The following CSMD1 variants were observed in gnomAD, a reference collection of about 807,000 sequenced individuals.
The protein encoded by CSMD1 is CUB and Sushi multiple domains 1.
A neutral mutation model predicts 417.5 loss-of-function variants in CSMD1; 213 were observed. The observed-to-expected ratio is 0.51, with a 90% CI of 0.46 to 0.57. The LOEUF (loss-of-function observed/expected upper bound fraction) is 0.57, where lower values mean the gene tolerates loss of function less well. Ranked by LOEUF, CSMD1 falls within the 20% of genes least tolerant of loss-of-function variation. The probability of loss-of-function intolerance (pLI) is 0.00; values close to 1 mark genes in which losing one functional copy is unlikely to be tolerated. For missense variants in CSMD1, 6,923 were observed against 4,529.7 expected, an observed-to-expected ratio of 1.53 and a Z score of -15.17; for synonymous variants, 2,862 against 1,736.8, an observed-to-expected ratio of 1.65 and a Z score of -16.11.
At chr8:3,981,193 G>C (rs951458594) in intron 5 of CSMD1, among the ~76,000 whole-genome samples, 2 of 152,162 alleles carry the variant, frequency 1.3e-5, no homozygotes, top group Non-Finnish European at 2.9e-5. Flanking sequence ...TATCTCCATA[G>C]TTTTCTTCAG....
chr8:4,263,664 T>A (rs949131746), intron 3 of CSMD1, among the ~76,000 whole-genome samples: 2 of 152,198 alleles, frequency 1.3e-5, no homozygotes, highest in Admixed American at 6.5e-5. Context: ...ATGACCAATA[T>A]AATTTTGAAT....
At chr8:4,249,184 G>A (rs1455776108) in intron 3 of CSMD1, among the ~76,000 whole-genome samples, 1 of 152,276 alleles carries the variant, frequency 6.6e-6, no homozygotes, top group Admixed American at 6.5e-5. Context: ...ACTACTTGAA[G>A]CTTGATAGTG....
At chr8:4,937,795 C>T (rs1425578792) in intron 1 of CSMD1, among the ~76,000 whole-genome samples, 1 of 152,102 alleles carries the variant, frequency 6.6e-6, no homozygotes, top group African/African-American at 2.4e-5. Context: ...CACACACACA[C>T]ACACACACAC....
chr8:3,999,117 T>C (rs1214357992), intron 4 of CSMD1, among the ~76,000 whole-genome samples: 1 of 151,672 alleles, frequency 6.6e-6, no homozygotes, highest in Non-Finnish European at 1.5e-5. Context: ...AAGCATGTTT[T>C]TTAAAATTTC....
intron 1 of CSMD1, among the ~76,000 whole-genome samples, chr8:4,681,211 T>C (rs573263743): frequency 1.1e-3 from 165 of 152,244 alleles, no homozygotes; most frequent in African/African-American, 3.8e-3. Flanking sequence ...CTGTAGGAAA[T>C]GAGAGAGGTC....
chr8:3,782,936 A>G (rs1471594), intron 5 of CSMD1, among the ~76,000 whole-genome samples: 22,665 of 152,216 alleles, frequency 0.15, 2,345 homozygotes, highest in African/African-American at 0.28. Flanking sequence ...ATACATGGCA[A>G]GAGATCTAGC....
At chr8:4,080,342 T>C (rs2554636) in intron 3 of CSMD1, among the ~76,000 whole-genome samples, 110,596 of 151,868 alleles carry the variant, frequency 0.73, 40,958 homozygotes, top group South Asian at 0.82. Flanking sequence ...ACTTCACAAG[T>C]GAAAGGTGAA....
chr8:3,809,694 T>G (rs1025356515), intron 5 of CSMD1, among the ~76,000 whole-genome samples: 2 of 152,126 alleles, frequency 1.3e-5, no homozygotes, highest in African/African-American at 4.8e-5. Flanking sequence ...GAACCACACT[T>G]CCAGAGACAC....
chr8:3,450,714 T>C (rs1219944854), intron 12 of CSMD1, among the ~76,000 whole-genome samples: 4 of 152,238 alleles, frequency 2.6e-5, no homozygotes, highest in South Asian at 2.1e-4. Context: ...CAGTCTATCA[T>C]TGTTGGACAT....
At chr8:4,906,356 A>G (rs1309136424) in intron 1 of CSMD1, among the ~76,000 whole-genome samples, 1 of 152,226 alleles carries the variant, frequency 6.6e-6, no homozygotes, top group Non-Finnish European at 1.5e-5. Flanking sequence ...ATTCTTGCAT[A>G]CAACTTATGT....
At chr8:4,970,499 G>C (rs942533441) in intron 1 of CSMD1, among the ~76,000 whole-genome samples, 2 of 152,026 alleles carry the variant, frequency 1.3e-5, no homozygotes, top group African/African-American at 2.4e-5. Context: ...CATTCTCATG[G>C]AATAGAGGTT....
At chr8:3,659,905 T>C (rs1363110695) in intron 7 of CSMD1, among the ~76,000 whole-genome samples, 1 of 152,182 alleles carries the variant, frequency 6.6e-6, no homozygotes, top group Non-Finnish European at 1.5e-5. Context: ...AGATGAAATT[T>C]CCAAGAAAGA....
chr8:3,829,359 C>G (rs1357351405), intron 5 of CSMD1, among the ~76,000 whole-genome samples: 1 of 152,158 alleles, frequency 6.6e-6, no homozygotes, highest in Non-Finnish European at 1.5e-5. Flanking sequence ...ACTGAGAACT[C>G]TGTCAAACTA....
At chr8:3,465,446 G>A (rs1269381078) in intron 12 of CSMD1, among the ~76,000 whole-genome samples, 1 of 152,108 alleles carries the variant, frequency 6.6e-6, no homozygotes, top group East Asian at 1.9e-4. Flanking sequence ...GTGGACCCAA[G>A]GTCCTCCTGG....
intron 57 of CSMD1, 30 bp downstream of exon 57, chr8:2,973,087 A>T (rs751945331): frequency 6.2e-7 from 1 of 1,601,696 alleles, no homozygotes; most frequent in East Asian, 2.2e-5. Context: ...TTAACTTTCA[A>T]GGTGGACCTT....
chr8:4,843,050 G>C (rs1800931279), intron 1 of CSMD1, among the ~76,000 whole-genome samples: 2 of 152,128 alleles, frequency 1.3e-5, no homozygotes, highest in African/African-American at 4.8e-5. Context: ...CAAAATAAGA[G>C]ATGCTAATTT....
chr8:3,418,220 T>G (rs1336469435), intron 12 of CSMD1, among the ~76,000 whole-genome samples: 1 of 152,156 alleles, frequency 6.6e-6, no homozygotes. Context: ...TTCCCTTTTG[T>G]GGCCCCAGTG....
chr8:3,357,365 A>T (rs993852967), intron 21 of CSMD1, among the ~76,000 whole-genome samples: 1 of 152,214 alleles, frequency 6.6e-6, no homozygotes, highest in Admixed American at 6.5e-5. Flanking sequence ...TCCACATGTA[A>T]CAGGGAACTG....
intron 3 of CSMD1, among the ~76,000 whole-genome samples, chr8:4,047,515 T>TGTC (rs1389367993): frequency 7.7e-6 from 1 of 130,256 alleles, no homozygotes; most frequent in Non-Finnish European, 1.8e-5. Context: ...AACATTGTGA[T>TGTC]ATGTCATTCA....
Sources: gnomAD v4.1 joint callset for allele counts (sites outside exome capture counted in the v4.1 genomes callset) on GRCh38, gnomAD v4.1.1 for gene constraint, MANE v1.5 for transcripts, NCBI Gene and HGNC (gene_info 2026-07-23, HGNC 2026-07-21) for gene names.